AURKA: variants seen among roughly 807,000 people sequenced by gnomAD.
AURKA encodes the protein aurora kinase A.
In AURKA, 12 loss-of-function variants were observed where a neutral mutation model predicts 40.9. The observed-to-expected ratio is 0.29, with a 90% CI of 0.19 to 0.48. The LOEUF is 0.48. AURKA is among the 20% of genes least tolerant of loss of function. AURKA has a pLI of 0.99. For synonymous variants in AURKA, 170 were observed against 164.3 expected, an observed-to-expected ratio of 1.03 and a Z score of -0.26; for missense variants, 322 against 462.1, an observed-to-expected ratio of 0.70 and a Z score of 2.78.
intron 4 of AURKA, among the ~76,000 whole-genome samples, chr20:56,383,447 C>T (rs1391312178): frequency 2.6e-5 from 4 of 152,168 alleles, no homozygotes; most frequent in Admixed American, 1.3e-4. Flanking sequence ...GTCCCAAGCC[C>T]GTACTATGCT....
intron 7 of AURKA, among the ~76,000 whole-genome samples, chr20:56,371,947 T>C (rs890774113): frequency 6.6e-6 from 1 of 152,220 alleles, no homozygotes; most frequent in Non-Finnish European, 1.5e-5. Context: ...AAAAAGCAGA[T>C]GCAGCCCTTC....
intron 6 of AURKA, among the ~76,000 whole-genome samples, chr20:56,376,770 G>A (rs1984978976): frequency 6.6e-6 from 1 of 152,150 alleles, no homozygotes; most frequent in Non-Finnish European, 1.5e-5. Context: ...TGACACATTT[G>A]GACTTTTATT....
intron 1 of AURKA, chr20:56,390,813 T>C (rs1437378629): frequency 6.6e-6 from 1 of 152,188 alleles, no homozygotes; most frequent in Non-Finnish European, 1.5e-5. Flanking sequence ...AAATGCACAC[T>C]TGTGTTAATC....
At chr20:56,370,409 G>A (rs2146123329) in intron 8 of AURKA, 69 bp from the exon 9 acceptor site, 1 of 1,613,588 alleles carries the variant, frequency 6.2e-7, no homozygotes, top group South Asian at 1.1e-5. Context: ...TAGATGTTCG[G>A]ATCTTGGCCT....
chr20:56,369,761 C>T lies in AURKA; in HGVS notation c.*397G>A, dbSNP rs1206669420. The T allele has an allele frequency of 2.5e-6, 1 of 404,374 alleles. No homozygotes were observed. The highest frequency in any genetic ancestry group is 4.6e-6 in the Non-Finnish European group (1 of 216,272). 25.0% of individuals were successfully genotyped at this position (404,374 alleles called of 1,614,324 possible). A position where few individuals can be genotyped will look rare whatever the true frequency, so the allele number is the denominator to read the frequency against. On this transcript the variant is annotated 3_prime_UTR_variant, in exon 9 of 9. Coordinates refer to ENST00000395915, the MANE Select transcript of AURKA (RefSeq NM_198437.3). ...GCCAACCCAATAAGTTACACACTCACTCAGGTACTAGGAAGGTTATTGCAC... is the reference window on the plus strand; with the variant it reads ...GCCAACCCAATAAGTTACACACTCATTCAGGTACTAGGAAGGTTATTGCAC...
chr20:56,384,944 C>A lies in AURKA; in HGVS notation c.320-620G>T, dbSNP rs545081800. 6.6e-5 allele frequency among the ~76,000 whole-genome samples: 10 copies of A among 152,300 alleles called. No homozygotes were observed. The East Asian group carries it at 1.9e-3, about 29-fold the overall frequency. On this transcript the variant is annotated intron_variant, in intron 3 of 8. Transcript: ENST00000395915. ...TCCAACATAGCAAACTCGAACAGCA[C>A]ACAATGCTCTGCTCAGATATCTGGA...
chr20:56,387,307 C>A (rs1214234777), intron 2 of AURKA, among the ~76,000 whole-genome samples: 1 of 152,182 alleles, frequency 6.6e-6, no homozygotes, highest in East Asian at 1.9e-4. Flanking sequence ...CGCCTGCCAC[C>A]ACGCCTGGCT....
intron 6 of AURKA, among the ~76,000 whole-genome samples, chr20:56,376,748 G>A (rs923250317): frequency 2.6e-5 from 4 of 152,144 alleles, no homozygotes; most frequent in Non-Finnish European, 5.9e-5. Context: ...GCACAATCAT[G>A]AAAGAAAAAA....
At chr20:56,372,668 T>C (rs186343653) in intron 7 of AURKA, among the ~76,000 whole-genome samples, 1 of 152,308 alleles carries the variant, frequency 6.6e-6, no homozygotes, top group African/African-American at 2.4e-5. Context: ...TTTAACTAGC[T>C]TGATTTTTAA....
intron 7 of AURKA, among the ~76,000 whole-genome samples, chr20:56,371,476 T>C (rs545374027): frequency 2.6e-5 from 3 of 114,336 alleles, no homozygotes; most frequent in East Asian, 5.8e-4. Context: ...AAAAAAAAAA[T>C]TTTCTTAACC....
At chr20:56,372,660 T>TA (rs1286107238) in intron 7 of AURKA, among the ~76,000 whole-genome samples, 1 of 152,190 alleles carries the variant, frequency 6.6e-6, no homozygotes, top group Non-Finnish European at 1.5e-5. Flanking sequence ...ACTTTTTTTT[T>TA]AACTAGCTTG....
chr20:56,389,798 T>C (rs1986833136), intron 1 of AURKA, among the ~76,000 whole-genome samples: 1 of 152,232 alleles, frequency 6.6e-6, no homozygotes, highest in Non-Finnish European at 1.5e-5. Context: ...CTTGGCATAA[T>C]AACCCTTTAC....
At chr20:56,385,475 T>TA (rs969070084) in intron 3 of AURKA, among the ~76,000 whole-genome samples, 53 of 152,024 alleles carry the variant, frequency 3.5e-4, no homozygotes, top group Admixed American at 4.6e-4. Flanking sequence ...TTTTTTTTTT[T>TA]TTTGAGATAG....
rs138224622 is a variant in AURKA at position 56,370,781 on chromosome 20, G to C, written c.855-122C>G. ...CCCCTGGGCCAGATCCTGTGCCCTA[G>C]GAAGTAGCTACTATTATAAATTCCC... On this transcript the variant is annotated intron_variant, in intron 7 of 8. Transcript: ENST00000395915. 1.8e-4 allele frequency: 184 copies of C among 1,020,672 alleles called. No homozygotes were observed. In the East Asian group the frequency reaches 3.9e-3, roughly 22 times the overall value. 63.2% of individuals were successfully genotyped at this position (1,020,672 alleles called of 1,614,324 possible).
In AURKA at chr20:56,373,490, T is replaced by C. The variant is rs1221358724; in HGVS notation, c.772A>G (p.Lys258Glu). Residue 258 changes from lysine (K) to glutamate (E), a missense_variant, in exon 7 of 9, where the codon AAG becomes GAG. Coordinates refer to ENST00000395915, the MANE Select transcript of AURKA (RefSeq NM_198437.3). This position sits in a 1 kb window ranked among gnomAD's most constrained non-coding sequence, Gnocchi z 5.0. ...HSKRVIHRDI[K>E]PENLLLGSAG... ...GATCCAAGAAGTAAGTTCTCTGGCT[T>C]AATGTCTCTATGAATAACTCTCTTC... 6.2e-7 allele frequency: 1 copy of C among 1,614,252 alleles called. No homozygotes were observed. Among genetic ancestry groups the C allele is most frequent in the Non-Finnish European group, 8.5e-7 (1 of 1,180,042 alleles).
intron 3 of AURKA, among the ~76,000 whole-genome samples, chr20:56,385,993 A>C (rs1986309518): frequency 6.6e-6 from 1 of 152,156 alleles, no homozygotes; most frequent in Non-Finnish European, 1.5e-5. Flanking sequence ...ACTCAGTAAC[A>C]AGCAATCAAA....
At chr20:56,379,779 T>C (rs1378786685) in intron 6 of AURKA, among the ~76,000 whole-genome samples, 2 of 151,254 alleles carry the variant, frequency 1.3e-5, no homozygotes, top group Non-Finnish European at 2.9e-5. Context: ...CTGGCCAACA[T>C]GGCAAAACCC....
At chr20:56,375,863 T>C (rs1230511804) in intron 6 of AURKA, among the ~76,000 whole-genome samples, 1 of 152,224 alleles carries the variant, frequency 6.6e-6, no homozygotes, top group African/African-American at 2.4e-5. Context: ...TCACATGTTG[T>C]TAGATTGCAG....
Position 56,381,480 on chromosome 20 carries a change from T to C in AURKA, c.658A>G (p.Arg220Gly), listed in dbSNP as rs1198722160. The C allele has an allele frequency of 6.2e-7, 1 of 1,613,864 alleles. No individual in the cohort carries two copies. The change falls in exon 6 of 9, where the codon AGA becomes GGA. Residue 220 changes from arginine (R) to glycine (G), a missense_variant. Arg to Gly is a moderately radical substitution (Grantham distance 125). Transcript: ENST00000395915. ...LEYAPLGTVY[R>G]ELQKLSKFDE... ...AACTTTGAAAGTTTCTGAAGTTCTC[T>C]ATAAACTGTTCCAAGTGGTGCATAT...
Sources: gnomAD v4.1 joint callset for allele counts (sites outside exome capture counted in the v4.1 genomes callset) on GRCh38, gnomAD v4.1.1 for gene constraint, Gnocchi (gnomAD v3.1) non-coding constraint, MANE v1.5 for transcripts, NCBI Gene and HGNC (gene_info 2026-07-23, HGNC 2026-07-21) for gene names.